GTF3C5: variants seen among roughly 807,000 people sequenced by gnomAD.
The protein encoded by GTF3C5 is general transcription factor IIIC subunit 5.
Under a neutral mutation model 61.0 loss-of-function variants are expected in GTF3C5, and 47 were observed. That is an observed-to-expected ratio of 0.77 (90% CI 0.61 to 0.98). GTF3C5 has a LOEUF of 0.98. Ranked by LOEUF, GTF3C5 falls within the 50% of genes least tolerant of loss-of-function variation. The pLI is 0.00. For missense variants in GTF3C5, 659 were observed against 703.3 expected (o/e 0.94, Z 0.71); for synonymous variants, 295 against 275.4 (o/e 1.07, Z -0.71).
Position 133,045,540 on chromosome 9 carries a change from G to C in GTF3C5, c.572+1614G>C, listed in dbSNP as rs547368570. ...AGCCCCGGTGCCCAGAACAGAGCCT[G>C]GCCTGTGAGAGGTACTCAGCAAGTG... On this transcript the variant is annotated intron_variant, in intron 3 of 10. Coordinates refer to ENST00000372097, the MANE Select transcript of GTF3C5 (RefSeq NM_012087.4). Among the ~76,000 whole-genome samples the C allele has an allele frequency of 1.2e-4, 18 of 152,346 alleles. No homozygotes were observed. In the South Asian group the frequency reaches 3.5e-3, roughly 30 times the overall value.
intron 1 of GTF3C5, among the ~76,000 whole-genome samples, chr9:133,032,285 T>C (rs1045909933): frequency 2.6e-5 from 4 of 152,186 alleles, no homozygotes; most frequent in Non-Finnish European, 5.9e-5. Context: ...CTGTCCCTGC[T>C]GGTTGGAGTT....
Position 133,058,127 on chromosome 9 carries a change from C to T in GTF3C5, c.*147C>T. ...GCTAGAGTCCCAGCAAAGGGTGCAG[C>T]TGACCCTAGCACTGGCTGTGACATG... On this transcript the variant is annotated 3_prime_UTR_variant, in exon 11 of 11. Coordinates refer to ENST00000372097, the MANE Select transcript of GTF3C5 (RefSeq NM_012087.4). 1 of 1,484,892 alleles carries T rather than the reference C, an allele frequency of 6.7e-7. No homozygotes were observed. Among genetic ancestry groups the T allele is most frequent in the Non-Finnish European group, 8.9e-7 (1 of 1,120,928 alleles). 92.0% of individuals were successfully genotyped at this position (1,484,892 alleles called of 1,614,324 possible).
At position 133,056,779 on chromosome 9, in the gene GTF3C5, A is replaced by G. The variant is rs917732814; in HGVS notation, c.1264A>G (p.Ile422Val). ...DLNVEELQKI[I>V]HRNDGAENSC... Reference sequence around the variant, plus strand: ...CCCCACCCCCAGGTTGCAGAAGATCATTCACCGCAATGACGGGGCAGAGAA... The same window carrying G: ...CCCCACCCCCAGGTTGCAGAAGATCGTTCACCGCAATGACGGGGCAGAGAA... The change falls in exon 10 of 11, where the codon ATT becomes GTT. Residue 422 changes from isoleucine (I) to valine (V), a missense_variant. Physicochemically the swap from Ile to Val is conservative, Grantham distance 29. Coordinates refer to ENST00000372097, the MANE Select transcript of GTF3C5 (RefSeq NM_012087.4). 1.9e-6 allele frequency: 3 copies of G among 1,604,484 alleles called. No individual in the cohort carries two copies. The highest frequency in any genetic ancestry group is 2.6e-6 in the Non-Finnish European group (3 of 1,175,172).
At chr9:133,036,196 T>C (rs1412987650) in intron 1 of GTF3C5, among the ~76,000 whole-genome samples, 6 of 152,218 alleles carry the variant, frequency 3.9e-5, no homozygotes, top group Non-Finnish European at 8.8e-5. Context: ...TAAACACTCA[T>C]GCTCAGGTCC....
intron 9 of GTF3C5, 131 bp from the exon 10 acceptor site, chr9:133,056,635 C>G: frequency 1.2e-6 from 1 of 811,164 alleles, no homozygotes; most frequent in Non-Finnish European, 1.8e-6. Flanking sequence ...TCCAGTTCCT[C>G]TCTGTAGACT....
intron 8 of GTF3C5, 58 bp from the exon 9 acceptor site, chr9:133,055,954 A>AC: frequency 5.0e-6 from 8 of 1,609,290 alleles, no homozygotes; most frequent in Non-Finnish European, 6.8e-6. Flanking sequence ...AGTCTGCAAC[A>AC]CTGGCAGCCC....
Position 133,050,687 on chromosome 9 carries a change from G to A in GTF3C5, c.573-96G>A, listed in dbSNP as rs1850343485. 4.7e-6 allele frequency: 4 copies of A among 844,726 alleles called. No individual in the cohort carries two copies. In the East Asian group the frequency reaches 7.9e-5, roughly 17 times the overall value. 52.3% of individuals were successfully genotyped at this position (844,726 alleles called of 1,614,324 possible). A position where few individuals can be genotyped will look rare whatever the true frequency, so the allele number is the denominator to read the frequency against. On this transcript the variant is annotated intron_variant, in intron 3 of 10. Transcript: ENST00000372097. ...AGAGAGAGGCACACGGTGGCTGTGG[G>A]CCTTGGGGGGTTCTGGGCTCCCTGC...
chr9:133,037,138 C>T (rs759674928), intron 1 of GTF3C5, among the ~76,000 whole-genome samples: 6 of 152,062 alleles, frequency 3.9e-5, no homozygotes, highest in East Asian at 3.9e-4. Context: ...TGCTTCCGTC[C>T]GGAATGGGGA....
intron 1 of GTF3C5, among the ~76,000 whole-genome samples, chr9:133,039,918 T>G (rs749341931): frequency 1.3e-5 from 2 of 152,252 alleles, no homozygotes; most frequent in Non-Finnish European, 2.9e-5. Flanking sequence ...TGCTTTGCTC[T>G]AGAGTCTGAA....
At position 133,044,146 on chromosome 9, in the gene GTF3C5, C is replaced by CAAAA. The variant is rs34524914; in HGVS notation, c.572+240_572+243dup. The CAAAA allele has an allele frequency of 9.2e-4, 100 of 108,508 alleles. 1 individual carries two copies. The highest frequency in any genetic ancestry group is 1.6e-3 in the South Asian group (11 of 6,692). The allele number at this position is 108,508 out of a possible 1,614,324, so 6.7% of individuals were successfully genotyped here. A position where few individuals can be genotyped will look rare whatever the true frequency, so the allele number is the denominator to read the frequency against. ...GGTGACAGAGTGAGACTTTGTCTCC[C>CAAAA]AAAAAAAAAAAAAAAAAAAAAAAGA... On this transcript the variant is annotated intron_variant, in intron 3 of 10. Coordinates refer to ENST00000372097, the MANE Select transcript of GTF3C5 (RefSeq NM_012087.4).
At chr9:133,050,166 C>A (rs79213745) in intron 3 of GTF3C5, among the ~76,000 whole-genome samples, 1 of 152,082 alleles carries the variant, frequency 6.6e-6, no homozygotes, top group Non-Finnish European at 1.5e-5. Context: ...CCAGCCTTCT[C>A]GATGGGAGTC....
Position 133,043,510 on chromosome 9 carries a change from C to G in GTF3C5, c.374-218C>G, listed in dbSNP as rs548893472. On this transcript the variant is annotated intron_variant, in intron 2 of 10. Coordinates refer to ENST00000372097, the MANE Select transcript of GTF3C5 (RefSeq NM_012087.4). ...CTCCATCCTCACCTATCATGTAGCT[C>G]CCCACCTCCCCAAAATAATTTTCAT... 1.4e-4 allele frequency among the ~76,000 whole-genome samples: 22 copies of G among 152,302 alleles called. No homozygotes were observed. The South Asian group carries it at 4.6e-3, about 32-fold the overall frequency.
At chr9:133,032,859 AT>A (rs1320543740) in intron 1 of GTF3C5, among the ~76,000 whole-genome samples, 4 of 152,160 alleles carry the variant, frequency 2.6e-5, no homozygotes, top group Non-Finnish European at 5.9e-5. Flanking sequence ...AAGCTAGCTC[AT>A]TGGATAAAGC....
At chr9:133,037,413 T>C (rs1849898419) in intron 1 of GTF3C5, among the ~76,000 whole-genome samples, 1 of 152,150 alleles carries the variant, frequency 6.6e-6, no homozygotes, top group Non-Finnish European at 1.5e-5. Context: ...AGCCCGTCCC[T>C]AATGAGACTC....
intron 1 of GTF3C5, among the ~76,000 whole-genome samples, chr9:133,039,068 C>T (rs1391891554): frequency 1.3e-5 from 2 of 152,102 alleles, no homozygotes; most frequent in South Asian, 2.1e-4. Context: ...CTGTATTTTA[C>T]GGGGGAAGGA....
intron 7 of GTF3C5, 56 bp downstream of exon 7, chr9:133,054,544 G>A (rs1829869405): frequency 6.5e-7 from 1 of 1,545,840 alleles, no homozygotes; most frequent in Non-Finnish European, 8.9e-7. Context: ...GGAAGGCGGG[G>A]CACCTGGACC....
chr9:133,033,261 G>A (rs1217471982), intron 1 of GTF3C5, among the ~76,000 whole-genome samples: 1 of 152,056 alleles, frequency 6.6e-6, no homozygotes, highest in Non-Finnish European at 1.5e-5. Context: ...AACCACGGGG[G>A]GCATCTCTTA....
At chr9:133,030,824 C>G, upstream of GTF3C5, 6 of 698,658 alleles carry the variant, frequency 8.6e-6, no homozygotes, top group South Asian at 8.0e-5. Flanking sequence ...GGTCGTTTTC[C>G]CGAAGACATG....
At chr9:133,055,819 A>T in intron 8 of GTF3C5, 193 bp from the exon 9 acceptor site, 1 of 1,395,966 alleles carries the variant, frequency 7.2e-7, no homozygotes, top group Non-Finnish European at 9.3e-7. Flanking sequence ...TGCCTCTCCC[A>T]GAGCCTCCTG....
Sources: gnomAD v4.1 joint callset for allele counts (sites outside exome capture counted in the v4.1 genomes callset) on GRCh38, gnomAD v4.1.1 for gene constraint, MANE v1.5 for transcripts, NCBI Gene and HGNC (gene_info 2026-07-23, HGNC 2026-07-21) for gene names.